LCK: variants seen among roughly 807,000 people sequenced by gnomAD.
LCK encodes the protein LCK proto-oncogene, Src family tyrosine kinase, also known as tyrosine-protein kinase Lck.
A neutral mutation model predicts 64.6 loss-of-function variants in LCK; 14 were observed. That is an observed-to-expected ratio of 0.22 (90% confidence interval 0.14 to 0.34). LCK has a LOEUF of 0.34. Among genes scored for constraint, LCK ranks in the 10% least tolerant of loss-of-function variants. The probability of loss-of-function intolerance (pLI) is 1.00; values close to 1 mark genes in which losing one functional copy is unlikely to be tolerated. For missense variants in LCK, 434 were observed against 668.1 expected (o/e 0.65, Z 3.86); for synonymous variants, 277 against 263.6 (o/e 1.05, Z -0.49).
intron 1 of LCK, among the ~76,000 whole-genome samples, chr1:32,268,768 G>A (rs1406289749): frequency 5.3e-5 from 8 of 149,834 alleles, no homozygotes; most frequent in Admixed American, 2.0e-4. Flanking sequence ...GGCCGAGATC[G>A]TGCCATTGCA....
rs150692053 is a variant in LCK at position 32,261,057 on chromosome 1, T to A, written c.-6+9686T>A. Reference sequence around the variant, plus strand: ...AAAATGTTAACTTAAAAATTTTTTTTAATTTAATTTAATTAATTTTTTCTT... The same window carrying A: ...AAAATGTTAACTTAAAAATTTTTTTAAATTTAATTTAATTAATTTTTTCTT... On this transcript the variant is annotated intron_variant, in intron 1 of 12. Coordinates refer to ENST00000336890, the MANE Select transcript of LCK (RefSeq NM_005356.5). Among the ~76,000 whole-genome samples, 539 of 152,128 alleles carry A rather than the reference T, an allele frequency of 3.5e-3. 1 individual carries two copies. The highest frequency in any genetic ancestry group is 0.011 in the African/African-American group (461 of 41,508).
chr1:32,267,501 C>T (rs111317839), intron 1 of LCK, among the ~76,000 whole-genome samples: 2,580 of 152,258 alleles, frequency 0.017, 33 homozygotes, highest in Non-Finnish European at 0.028. Flanking sequence ...TGGCTCACGT[C>T]TGTAGTCCCA....
At chr1:32,270,108 C>T (rs1191012369) in intron 1 of LCK, among the ~76,000 whole-genome samples, 1 of 152,100 alleles carries the variant, frequency 6.6e-6, no homozygotes, top group Non-Finnish European at 1.5e-5. Flanking sequence ...CTCTCTCTGT[C>T]TCTCTTTTGT....
intron 1 of LCK, among the ~76,000 whole-genome samples, chr1:32,268,038 T>C (rs1639970162): frequency 6.6e-6 from 1 of 151,168 alleles, no homozygotes; most frequent in Non-Finnish European, 1.5e-5. Context: ...ACTAAAAATA[T>C]AAAAAATCAG....
rs1244165498 is a variant in LCK, at chr1:32,274,356, GGAA to G, written c.30_32del (p.Glu10del). ...TGGGCTGTGGCTGCAGCTCACACCC[GGAA>G]GATGACTGGATGGAAAACATCGATG... is the stretch of plus-strand genomic sequence containing the variant. On this transcript the variant is annotated inframe_deletion, in exon 2 of 13. Transcript: ENST00000336890. The G allele has an allele frequency of 6.2e-7, 1 of 1,614,000 alleles. No homozygotes were observed. Among genetic ancestry groups the G allele is most frequent in the African/African-American group, 1.3e-5 (1 of 74,916 alleles).
At chr1:32,259,696 G>C (rs1249325873) in intron 1 of LCK, among the ~76,000 whole-genome samples, 2 of 151,926 alleles carry the variant, frequency 1.3e-5, no homozygotes, top group Non-Finnish European at 2.9e-5. Context: ...TGTTGTCCCA[G>C]TTACTCAGGA....
At position 32,280,054 on chromosome 1, in the gene LCK, T is replaced by A. The variant is rs776246837; in HGVS notation, c.1196-25T>A. 9 of 1,613,956 alleles carry A rather than the reference T, an allele frequency of 5.6e-6. No individual in the cohort carries two copies. The African/African-American group carries it at 1.2e-4, about 22-fold the overall frequency. ...CAGGGTCTGGCCAAGCAGACCCAGGTGACCTCACTCTGCCTCCTCCTTAGG... is the reference window on the plus strand; with the variant it reads ...CAGGGTCTGGCCAAGCAGACCCAGGAGACCTCACTCTGCCTCCTCCTTAGG... On this transcript the variant is annotated intron_variant, in intron 11 of 12. Coordinates refer to ENST00000336890, the MANE Select transcript of LCK (RefSeq NM_005356.5).
At chr1:32,259,651 G>A (rs1404701449) in intron 1 of LCK, among the ~76,000 whole-genome samples, 2 of 148,892 alleles carry the variant, frequency 1.3e-5, no homozygotes, top group South Asian at 2.1e-4. Context: ...TAATAATAAT[G>A]ATAATAATAA....
chr1:32,258,941 T>C (rs1028048113), intron 1 of LCK, among the ~76,000 whole-genome samples: 3 of 151,536 alleles, frequency 2.0e-5, no homozygotes, highest in African/African-American at 7.3e-5. Flanking sequence ...GAGGATCACC[T>C]GAGCTATGGG....
intron 1 of LCK, among the ~76,000 whole-genome samples, chr1:32,267,112 T>G (rs994181743): frequency 6.6e-6 from 1 of 151,584 alleles, no homozygotes; most frequent in Non-Finnish European, 1.5e-5. Context: ...TGAGACCAGT[T>G]CCAGGTTGCT....
intron 1 of LCK, among the ~76,000 whole-genome samples, chr1:32,261,376 G>T (rs1639764853): frequency 6.6e-6 from 1 of 151,380 alleles, no homozygotes; most frequent in African/African-American, 2.4e-5. Context: ...CGGGCATGGT[G>T]GTGGCTCAAG....
Position 32,274,545 on chromosome 1 carries a change from C to T in LCK, c.105+111C>T, listed in dbSNP as rs1361367766. On this transcript the variant is annotated intron_variant, in intron 2 of 12. Coordinates refer to ENST00000336890, the MANE Select transcript of LCK (RefSeq NM_005356.5). ...TGAAAGAATAGAGTGGCCCTCTCCC[C>T]TGAAATACAGAAAGGAAAAGAGGCC... 1.8e-5 allele frequency: 18 copies of T among 987,774 alleles called. No homozygotes were observed. The East Asian group carries it at 4.5e-4, about 25-fold the overall frequency. 61.2% of individuals were successfully genotyped at this position (987,774 alleles called of 1,614,324 possible). A position where few individuals can be genotyped will look rare whatever the true frequency, so the allele number is the denominator to read the frequency against.
chr1:32,272,257 G>A lies in LCK; in HGVS notation c.-5-2068G>A, dbSNP rs531423901. Among the ~76,000 whole-genome samples the A allele has an allele frequency of 4.0e-5, 6 of 151,418 alleles. No homozygotes were observed. The South Asian group carries it at 1.2e-3, about 31-fold the overall frequency. On this transcript the variant is annotated intron_variant, in intron 1 of 12. Coordinates refer to ENST00000336890, the MANE Select transcript of LCK (RefSeq NM_005356.5). ...AAAAAAAAGGTAATATTTCAGCTGAGCCTTGAAGGTTGAGTTAGAATTCAG... is the reference window on the plus strand; with the variant it reads ...AAAAAAAAGGTAATATTTCAGCTGAACCTTGAAGGTTGAGTTAGAATTCAG...
At chr1:32,273,996 T>C in intron 1 of LCK, 1 of 388,110 alleles carries the variant, frequency 2.6e-6, no homozygotes, top group South Asian at 2.3e-5. Flanking sequence ...CACAGGGTAC[T>C]GGCAGAGGGA....
At position 32,276,655 on chromosome 1, in the gene LCK, G is replaced by A. The variant is rs1282812339; in HGVS notation, c.833G>A (p.Gly278Asp). Residue 278 changes from glycine to aspartate, a missense_variant, in exon 9 of 13, where the codon GGC (glycine) becomes GAC (aspartate). Physicochemically the swap from Gly to Asp is moderately conservative, Grantham distance 94 (BLOSUM62 -1). Around this residue, in one of 2 missense-constraint regions of LCK, gnomAD observed 201 missense variants for 376.9 expected, o/e 0.53. Transcript: ENST00000336890. This position sits in a 1 kb window ranked among gnomAD's most constrained non-coding sequence, Gnocchi z 4.6. ...TKVAVKSLKQ[G>D]SMSPDAFLAE... Reference sequence around the variant, plus strand: ...GTGGCGGTGAAGAGCCTGAAGCAGGGCAGCATGTCCCCGGACGCCTTCCTG... The same window carrying A: ...GTGGCGGTGAAGAGCCTGAAGCAGGACAGCATGTCCCCGGACGCCTTCCTG... 3 of 1,613,912 alleles carry A rather than the reference G, an allele frequency of 1.9e-6. No individual in the cohort carries two copies. The highest frequency in any genetic ancestry group is 2.5e-6 in the Non-Finnish European group (3 of 1,179,982).
chr1:32,275,099 C>A lies in LCK; in HGVS notation c.278+16C>A. 6.3e-7 allele frequency: 1 copy of A among 1,599,090 alleles called. No homozygotes were observed. On this transcript the variant is annotated intron_variant, in intron 4 of 12. Transcript: ENST00000336890. The surrounding 1 kb of genome is among the most constrained non-coding windows in gnomAD (Gnocchi z 6.9). ...TCCTGGAGCAGTGAGTCCCTCTCCA[C>A]CTTGCTCTGGCGGAGTCCGTGAGGG...
intron 1 of LCK, among the ~76,000 whole-genome samples, chr1:32,261,652 C>CA (rs1227702959): frequency 0.058 from 3,692 of 64,136 alleles, 82 homozygotes; most frequent in East Asian, 0.079. Flanking sequence ...TCCTCTGTCT[C>CA]AAAAAAAAAA....
Position 32,274,410 on chromosome 1 carries a change from A to T in LCK, c.81A>T (p.Ile27=), listed in dbSNP as rs1296543827. ...TGTGTGAGAACTGCCATTATCCCATAGTCCCACTGGATGGCAAGGGCACGG... is the reference window on the plus strand; with the variant it reads ...TGTGTGAGAACTGCCATTATCCCATTGTCCCACTGGATGGCAAGGGCACGG... The part of the protein sequence containing the change: ...IDVCENCHYP[I]VPLDGKGTLL... Residue 27 remains isoleucine (I), a synonymous_variant, in exon 2 of 13, where the codon ATA becomes ATT. Transcript: ENST00000336890. 1 of 1,613,658 alleles carries T rather than the reference A, an allele frequency of 6.2e-7. No homozygotes were observed. Among genetic ancestry groups the T allele is most frequent in the Admixed American group, 1.7e-5 (1 of 59,960 alleles).
At chr1:32,252,737 G>A (rs1450993968) in intron 1 of LCK, among the ~76,000 whole-genome samples, 1 of 152,208 alleles carries the variant, frequency 6.6e-6, no homozygotes, top group African/African-American at 2.4e-5. Flanking sequence ...GCCAAGAACA[G>A]GCTGAGCATT....
Sources: allele counts gnomAD v4.1 joint callset (sites outside exome capture counted in the v4.1 genomes callset), GRCh38; gene constraint gnomAD v4.1.1; regional missense constraint gnomAD v4.1.1; non-coding constraint Gnocchi (gnomAD v3.1); transcripts MANE v1.5; gene names NCBI Gene and HGNC (gene_info 2026-07-23, HGNC 2026-07-21).